Variants in DAB1 observed in about 807,000 individuals in gnomAD.
DAB1 encodes the protein disabled homolog 1.
Under a neutral mutation model 64.6 loss-of-function variants are expected in DAB1, and 15 were observed. That is an observed-to-expected ratio of 0.23 (90% CI 0.16 to 0.36). The LOEUF (loss-of-function observed/expected upper bound fraction) is 0.36. DAB1 is among the 10% of genes least tolerant of loss of function. The probability of loss-of-function intolerance (pLI) is 1.00; values close to 1 mark genes in which losing one functional copy is unlikely to be tolerated. For synonymous variants in DAB1, 235 were observed against 251.9 expected (o/e 0.93, Z 0.64); for missense variants, 596 against 706.7 (o/e 0.84, Z 1.78).
intron 5 of DAB1, among the ~76,000 whole-genome samples, chr1:58,116,047 A>C (rs996092117): frequency 6.6e-6 from 1 of 152,018 alleles, no homozygotes; most frequent in Non-Finnish European, 1.5e-5. Context: ...AATAAAAAAA[A>C]ATAAATAAAT....
intron 4 of DAB1, among the ~76,000 whole-genome samples, chr1:58,336,804 T>C (rs1460690122): frequency 1.3e-5 from 2 of 152,190 alleles, no homozygotes; most frequent in Non-Finnish European, 2.9e-5. Context: ...ATTGGCTCCA[T>C]TTTACAGATG....
intron 6 of DAB1, among the ~76,000 whole-genome samples, chr1:57,816,386 G>A (rs957599678): frequency 2.0e-5 from 3 of 152,112 alleles, no homozygotes; most frequent in South Asian, 2.1e-4. Flanking sequence ...GTTAAGTTAC[G>A]AGTGACTGAA....
At chr1:58,007,067 C>T (rs1345451790) in intron 5 of DAB1, among the ~76,000 whole-genome samples, 1 of 152,090 alleles carries the variant, frequency 6.6e-6, no homozygotes, top group Non-Finnish European at 1.5e-5. Flanking sequence ...GGAATGCACC[C>T]CCATGAAAAA....
At chr1:58,309,730 A>G (rs1008777870) in intron 4 of DAB1, among the ~76,000 whole-genome samples, 1 of 152,096 alleles carries the variant, frequency 6.6e-6, no homozygotes, top group African/African-American at 2.4e-5. Flanking sequence ...AATAATGAAG[A>G]CCCTGAAATT....
chr1:57,559,800 C>A (rs1340902567), intron 7 of DAB1, among the ~76,000 whole-genome samples: 1 of 152,146 alleles, frequency 6.6e-6, no homozygotes, highest in Non-Finnish European at 1.5e-5. Context: ...CAAATGGAAG[C>A]CATTAGAGCT....
chr1:58,202,805 T>C (rs942829040), intron 4 of DAB1, among the ~76,000 whole-genome samples: 31 of 152,154 alleles, frequency 2.0e-4, no homozygotes, highest in Admixed American at 7.2e-4. Flanking sequence ...AAAAACAACA[T>C]GTAGCACCCA....
chr1:57,521,829 G>A (rs544510022), intron 7 of DAB1, among the ~76,000 whole-genome samples: 1 of 152,280 alleles, frequency 6.6e-6, no homozygotes, highest in East Asian at 1.9e-4. Context: ...AGCCCATTCG[G>A]CCGGGCGTGG....
chr1:57,682,951 C>T (rs538981210), intron 6 of DAB1, among the ~76,000 whole-genome samples: 2 of 152,292 alleles, frequency 1.3e-5, no homozygotes, highest in African/African-American at 4.8e-5. Context: ...AATGAGTACA[C>T]AGGACAGCCT....
At chr1:58,424,194 A>G (rs551007969) in intron 3 of DAB1, among the ~76,000 whole-genome samples, 3 of 152,314 alleles carry the variant, frequency 2.0e-5, no homozygotes, top group African/African-American at 7.2e-5. Flanking sequence ...AAAAAAGGCA[A>G]TGTTCCAGCT....
intron 7 of DAB1, among the ~76,000 whole-genome samples, chr1:57,546,917 T>C (rs1416086182): frequency 6.6e-6 from 1 of 152,132 alleles, no homozygotes; most frequent in East Asian, 1.9e-4. Flanking sequence ...GATGGGAGAT[T>C]ATGGGTAATT....
At chr1:57,592,804 G>A (rs1412138758) in intron 7 of DAB1, among the ~76,000 whole-genome samples, 2 of 152,170 alleles carry the variant, frequency 1.3e-5, no homozygotes, top group Non-Finnish European at 2.9e-5. Flanking sequence ...TGTCTGGTGA[G>A]GGCTCTCTTC....
intron 4 of DAB1, among the ~76,000 whole-genome samples, chr1:57,093,898 G>A (rs935996414): frequency 1.3e-5 from 2 of 152,042 alleles, no homozygotes; most frequent in African/African-American, 4.8e-5. Flanking sequence ...CCAATCACTT[G>A]AAGTCAGGAG....
chr1:57,288,737 A>C (rs922851641), intron 2 of DAB1, among the ~76,000 whole-genome samples: 1 of 152,046 alleles, frequency 6.6e-6, no homozygotes, highest in Non-Finnish European at 1.5e-5. Flanking sequence ...AAAAGAGAAA[A>C]GAGTGGAGAG....
chr1:57,084,051 T>G (rs1372854384), intron 4 of DAB1, among the ~76,000 whole-genome samples: 1 of 152,222 alleles, frequency 6.6e-6, no homozygotes, highest in Non-Finnish European at 1.5e-5. Context: ...TTTGTCATTG[T>G]TAAGTGTTGA....
At position 58,004,440 on chromosome 1, in the gene DAB1, G is replaced by A. The variant is rs562857971; in HGVS notation, n.388-120278C>T. ...CTTGAACCTCAGTCCATGGGCCAGA[G>A]AAAGGATGGAGGGAAGCTGTGGGAA... On this transcript the variant is annotated intron_variant and non_coding_transcript_variant, in intron 5 of 20. Transcript: ENST00000485760. 3.3e-5 allele frequency among the ~76,000 whole-genome samples: 5 copies of A among 152,232 alleles called. No individual in the cohort carries two copies. The South Asian group carries it at 8.3e-4, about 25-fold the overall frequency.
intron 1 of DAB1, among the ~76,000 whole-genome samples, chr1:58,528,099 T>C (rs1175465871): frequency 6.6e-6 from 1 of 152,260 alleles, no homozygotes; most frequent in Admixed American, 6.5e-5. Context: ...AAATCTGATA[T>C]ACAGTATGTG....
At chr1:57,226,177 G>T (rs2100407410) in intron 2 of DAB1, among the ~76,000 whole-genome samples, 1 of 151,996 alleles carries the variant, frequency 6.6e-6, no homozygotes, top group East Asian at 1.9e-4. Flanking sequence ...CATTCTAATG[G>T]GCTTTAATAC....
At chr1:57,987,650 A>T (rs1354073178) in intron 5 of DAB1, among the ~76,000 whole-genome samples, 1 of 152,204 alleles carries the variant, frequency 6.6e-6, no homozygotes, top group African/African-American at 2.4e-5. Flanking sequence ...AAAGGTGCTC[A>T]GCTCTGAAAT....
At chr1:58,121,987 A>G (rs553034400) in intron 5 of DAB1, among the ~76,000 whole-genome samples, 7 of 152,314 alleles carry the variant, frequency 4.6e-5, no homozygotes, top group African/African-American at 1.7e-4. Flanking sequence ...AAAAACTAAA[A>G]GGTTGAGAAG....
Sources: allele counts gnomAD v4.1 joint callset (sites outside exome capture counted in the v4.1 genomes callset), GRCh38; gene constraint gnomAD v4.1.1; transcripts MANE v1.5; gene names NCBI Gene and HGNC (gene_info 2026-07-23, HGNC 2026-07-21).